Variants in CASTOR2 observed in about 807,000 individuals in gnomAD.
CASTOR2 encodes cytosolic arginine sensor for mTORC1 subunit 2.
Under a neutral mutation model 31.2 loss-of-function variants are expected in CASTOR2, and 8 were observed. That is an observed-to-expected ratio of 0.26 (90% CI 0.15 to 0.46). CASTOR2 has a LOEUF of 0.46. Ranked by LOEUF, CASTOR2 falls within the 20% of genes least tolerant of loss-of-function variation. The pLI is 0.99. For missense variants in CASTOR2, 216 were observed against 382.1 expected (o/e 0.57, Z 3.62); for synonymous variants, 162 against 158.7 (o/e 1.02, Z -0.16).
In CASTOR2 at chr7:75,025,321, C is replaced by T. The variant is rs972278109; in HGVS notation, c.*622C>T. ...ACTCCCCCTGTACCTCGCCTGCCAA[C>T]CACAGGGCCTGGGCCCGACTCCCAG... On this transcript the variant is annotated 3_prime_UTR_variant, in exon 9 of 9. Coordinates refer to ENST00000616305, the MANE Select transcript of CASTOR2 (RefSeq NM_001145064.3). 7.5e-4 allele frequency among the ~76,000 whole-genome samples: 115 copies of T among 152,334 alleles called. No homozygotes were observed. Among genetic ancestry groups the T allele is most frequent in the Non-Finnish European group, 1.3e-3 (91 of 68,018 alleles).
At chr7:75,007,874 A>G in intron 1 of CASTOR2, 120 bp from the exon 2 acceptor site, 2 of 1,449,618 alleles carry the variant, frequency 1.4e-6, no homozygotes, top group Non-Finnish European at 1.9e-6. Flanking sequence ...CGGTCACCCC[A>G]GCAGCCTGGG....
In CASTOR2 at chr7:75,014,543, G is replaced by T. The variant is rs1306159751; in HGVS notation, c.185-3055G>T. 5.9e-5 allele frequency among the ~76,000 whole-genome samples: 9 copies of T among 151,998 alleles called. No individual in the cohort carries two copies. The South Asian group carries it at 6.2e-4, about 11-fold the overall frequency. On this transcript the variant is annotated intron_variant, in intron 2 of 8. Coordinates refer to ENST00000616305, the MANE Select transcript of CASTOR2 (RefSeq NM_001145064.3). ...GGAGGCAGAGGTTGCAGTGAGCCGA[G>T]ATCGCGCCGCTGCACTCCAGCCTGG...
rs1178084776 is a variant in CASTOR2, at chr7:75,026,188, G to GTTTTTTTTTTTTTTTTTTT, written c.*1489_*1490insTTTTTTTTTTTTTTTTTTT. Among the ~76,000 whole-genome samples, 503 of 113,176 alleles carry GTTTTTTTTTTTTTTTTTTT rather than the reference G, an allele frequency of 4.4e-3. 19 individuals carry two copies. Among genetic ancestry groups the GTTTTTTTTTTTTTTTTTTT allele is most frequent in the African/African-American group, 9.6e-3 (289 of 29,950 alleles). The allele number at this position is 113,176 out of a possible 152,430, so 74.2% of individuals were successfully genotyped here. ...CCCCTGTGGTTTTGGCTCTGGCGGGGGTTTTTTTTTTTTTTTTTGAGATGG... is the reference window on the plus strand; with the variant it reads ...CCCCTGTGGTTTTGGCTCTGGCGGGGTTTTTTTTTTTTTTTTTTTGTTTTTTTTTTTTTTTTTGAGATGG... On this transcript the variant is annotated 3_prime_UTR_variant, in exon 9 of 9. Transcript: ENST00000616305.
At chr7:74,982,335 G>T (rs1248153441) in intron 1 of CASTOR2, among the ~76,000 whole-genome samples, 19 of 150,976 alleles carry the variant, frequency 1.3e-4, no homozygotes, top group Non-Finnish European at 2.7e-4. Flanking sequence ...ATGGGAACTT[G>T]CTCCTGCATT....
Position 75,030,719 on chromosome 7 carries a change from C to A in CASTOR2, c.*6020C>A, listed in dbSNP as rs1254826739. 6.6e-6 allele frequency among the ~76,000 whole-genome samples: 1 copy of A among 152,114 alleles called. No individual in the cohort carries two copies. The highest frequency in any genetic ancestry group is 1.5e-5 in the Non-Finnish European group (1 of 68,020). ...TTCAAGGGCCCAGGGTAAAAGCCAA[C>A]GTGTTATTTTTATCCCTAGCCTCAG... On this transcript the variant is annotated 3_prime_UTR_variant, in exon 9 of 9. Coordinates refer to ENST00000616305, the MANE Select transcript of CASTOR2 (RefSeq NM_001145064.3).
At chr7:75,020,756 TG>T (rs1804979940) in intron 6 of CASTOR2, among the ~76,000 whole-genome samples, 1 of 152,134 alleles carries the variant, frequency 6.6e-6, no homozygotes, top group South Asian at 2.1e-4. Flanking sequence ...CCCAAAGTGC[TG>T]GGATTACTGG....
At chr7:74,985,353 T>C (rs1334560677) in intron 1 of CASTOR2, among the ~76,000 whole-genome samples, 1 of 151,792 alleles carries the variant, frequency 6.6e-6, no homozygotes, top group Non-Finnish European at 1.5e-5. Context: ...GCTGAAGTGA[T>C]GGAGTTGCTT....
intron 6 of CASTOR2, 57 bp downstream of exon 6, chr7:75,020,206 G>T (rs1314301141): frequency 5.5e-6 from 8 of 1,464,802 alleles, no homozygotes; most frequent in Admixed American, 2.0e-5. Context: ...GGTCTGGGGG[G>T]ACTATGTGAT....
At chr7:74,977,369 T>C (rs1803840426) in intron 1 of CASTOR2, among the ~76,000 whole-genome samples, 1 of 150,976 alleles carries the variant, frequency 6.6e-6, no homozygotes, top group Non-Finnish European at 1.5e-5. Context: ...CGGTGCTAAA[T>C]TGAAACTTTT....
chr7:75,019,971 C>T, intron 5 of CASTOR2, 68 bp from the exon 6 acceptor site: 1 of 1,460,094 alleles, frequency 6.8e-7, no homozygotes, highest in Non-Finnish European at 9.3e-7. Context: ...GCCCAGCTTC[C>T]CTGGGCTGGT....
In CASTOR2 at chr7:75,030,193, G is replaced by T. The variant is rs1413205218; in HGVS notation, c.*5494G>T. Among the ~76,000 whole-genome samples, 1 of 152,240 alleles carries T rather than the reference G, an allele frequency of 6.6e-6. No homozygotes were observed. Among genetic ancestry groups the T allele is most frequent in the Non-Finnish European group, 1.5e-5 (1 of 68,040 alleles). On this transcript the variant is annotated 3_prime_UTR_variant, in exon 9 of 9. Coordinates refer to ENST00000616305, the MANE Select transcript of CASTOR2 (RefSeq NM_001145064.3). ...CTGTGTGCTAGGAGTGGGGGTGCAG[G>T]CCTAGGTGTGTTTATGCACACGTTT...
chr7:75,021,841 GC>G (rs1176125240), intron 6 of CASTOR2, 32 bp from the exon 7 acceptor site: 5 of 1,551,268 alleles, frequency 3.2e-6, no homozygotes, highest in Non-Finnish European at 4.4e-6. Flanking sequence ...ATTCACATCA[GC>G]CTCGGGGATT....
At chr7:74,994,785 G>A (rs1804300190) in intron 1 of CASTOR2, among the ~76,000 whole-genome samples, 1 of 151,966 alleles carries the variant, frequency 6.6e-6, no homozygotes, top group African/African-American at 2.4e-5. Flanking sequence ...GGTGGTTGAA[G>A]CCAGGGTGCA....
Position 75,027,737 on chromosome 7 carries a change from C to T in CASTOR2, c.*3038C>T, listed in dbSNP as rs996885199. 1 of 447,322 alleles carries T rather than the reference C, an allele frequency of 2.2e-6. No individual in the cohort carries two copies. The highest frequency in any genetic ancestry group is 4.1e-6 in the Non-Finnish European group (1 of 245,920). 27.7% of individuals were successfully genotyped at this position (447,322 alleles called of 1,614,324 possible). A position where few individuals can be genotyped will look rare whatever the true frequency, so the allele number is the denominator to read the frequency against. On this transcript the variant is annotated 3_prime_UTR_variant, in exon 9 of 9. Coordinates refer to ENST00000616305, the MANE Select transcript of CASTOR2 (RefSeq NM_001145064.3). ...CCCTGCTCCTCGGTCACAGGGGGCC[C>T]CTTTAGTTTTCCCATCCCCATCCTG...
At chr7:75,023,078 G>A (rs970682362) in intron 7 of CASTOR2, among the ~76,000 whole-genome samples, 1 of 152,182 alleles carries the variant, frequency 6.6e-6, no homozygotes, top group Non-Finnish European at 1.5e-5. Context: ...GGAGGCCGAG[G>A]CAGGAGGATC....
At chr7:74,971,016 G>A (rs1554435031) in intron 1 of CASTOR2, among the ~76,000 whole-genome samples, 1 of 150,776 alleles carries the variant, frequency 6.6e-6, no homozygotes, top group African/African-American at 2.4e-5. Flanking sequence ...GTTTGTTTGA[G>A]ATGGAGTCTC....
chr7:75,018,189 G>C, intron 4 of CASTOR2, 67 bp downstream of exon 4: 3 of 1,578,496 alleles, frequency 1.9e-6, no homozygotes, highest in Non-Finnish European at 2.6e-6. Flanking sequence ...CCGCAGACCA[G>C]CCTTACTCTC....
At chr7:74,989,578 A>AT (rs34719360) in intron 1 of CASTOR2, among the ~76,000 whole-genome samples, 89,997 of 131,148 alleles carry the variant, frequency 0.69, 33,019 homozygotes, top group East Asian at 0.86. Flanking sequence ...GTGTCCGCCT[A>AT]TTTTTTTTTT....
At chr7:74,998,077 C>A (rs1210510230) in intron 1 of CASTOR2, among the ~76,000 whole-genome samples, 2 of 152,060 alleles carry the variant, frequency 1.3e-5, no homozygotes, top group Non-Finnish European at 2.9e-5. Flanking sequence ...TGCTACAAGT[C>A]CCCCCTGCCT....
Sources: allele counts gnomAD v4.1 joint callset (sites outside exome capture counted in the v4.1 genomes callset), GRCh38; gene constraint gnomAD v4.1.1; transcripts MANE v1.5; gene names NCBI Gene and HGNC (gene_info 2026-07-23, HGNC 2026-07-21).